Variants in SEPTIN7 observed in about 807,000 individuals in gnomAD.
SEPTIN7 encodes the protein septin-7.
In SEPTIN7, 10 loss-of-function variants were observed where a neutral mutation model predicts 63.3. That is an observed-to-expected ratio of 0.16 (90% CI 0.10 to 0.27). The LOEUF is 0.27. Among genes scored for constraint, SEPTIN7 ranks in the 10% least tolerant of loss-of-function variants. SEPTIN7 has a pLI of 1.00. For missense variants in SEPTIN7, 310 were observed against 521.0 expected (o/e 0.59, Z 3.94); for synonymous variants, 131 against 165.3 (o/e 0.79, Z 1.59).
chr7:35,897,165 A>C (rs1788003851), intron 11 of SEPTIN7, among the ~76,000 whole-genome samples: 1 of 152,226 alleles, frequency 6.6e-6, no homozygotes, highest in African/African-American at 2.4e-5. Flanking sequence ...AAATTAGCGT[A>C]TTACAGTAAA....
intron 6 of SEPTIN7, among the ~76,000 whole-genome samples, chr7:35,875,911 G>A (rs771150167): frequency 3.3e-5 from 5 of 152,154 alleles, no homozygotes; most frequent in Non-Finnish European, 5.9e-5. Flanking sequence ...ATTTTCTGTT[G>A]CTTAAAAACA....
At chr7:35,908,139 C>G (rs1020557644), downstream of SEPTIN7, among the ~76,000 whole-genome samples, 4 of 152,134 alleles carry the variant, frequency 2.6e-5, no homozygotes, top group Admixed American at 2.0e-4. Context: ...ATAAAATACA[C>G]CATTCTTTGT....
At chr7:35,807,613 T>C (rs978528692) in intron 1 of SEPTIN7, among the ~76,000 whole-genome samples, 1 of 152,058 alleles carries the variant, frequency 6.6e-6, no homozygotes, top group African/African-American at 2.4e-5. Flanking sequence ...TCCGCCCGTC[T>C]TGGCCTCCCA....
At chr7:35,869,477 C>T (rs758456029) in intron 4 of SEPTIN7, among the ~76,000 whole-genome samples, 6 of 152,146 alleles carry the variant, frequency 3.9e-5, no homozygotes, top group Non-Finnish European at 8.8e-5. Flanking sequence ...AGAGTTTTGG[C>T]TGTAATGCTA....
chr7:35,907,235 T>A (rs1246449084), downstream of SEPTIN7: 3 of 152,184 alleles, frequency 2.0e-5, no homozygotes, highest in Non-Finnish European at 2.9e-5. Context: ...TCCTACTTGA[T>A]CTGAAAGGAA....
chr7:35,802,040 G>A (rs1788027203), intron 1 of SEPTIN7, among the ~76,000 whole-genome samples: 1 of 152,116 alleles, frequency 6.6e-6, no homozygotes, highest in African/African-American at 2.4e-5. Context: ...GAACGCCTGG[G>A]AAGGGCGCCC....
At chr7:35,836,793 A>G (rs1481071086) in intron 3 of SEPTIN7, among the ~76,000 whole-genome samples, 1 of 152,154 alleles carries the variant, frequency 6.6e-6, no homozygotes. Context: ...GAAAGATAAT[A>G]TTGGCTCAAA....
chr7:35,808,294 T>C (rs1410882441), intron 1 of SEPTIN7, among the ~76,000 whole-genome samples: 1 of 152,208 alleles, frequency 6.6e-6, no homozygotes, highest in East Asian at 1.9e-4. Flanking sequence ...CCAAAGGTGT[T>C]TTTTGCATAT....
chr7:35,833,663 T>C (rs1355741006), intron 3 of SEPTIN7, among the ~76,000 whole-genome samples: 1 of 152,028 alleles, frequency 6.6e-6, no homozygotes, highest in Non-Finnish European at 1.5e-5. Flanking sequence ...TGTAACTTTG[T>C]TGTATTTCTG....
chr7:35,879,453 A>G (rs1786696526), intron 6 of SEPTIN7: 1 of 160,924 alleles, frequency 6.2e-6, no homozygotes, highest in East Asian at 1.7e-4. Flanking sequence ...CACTCCACCC[A>G]GGGCAACAGA....
chr7:35,855,628 A>G (rs1785166687), intron 3 of SEPTIN7, among the ~76,000 whole-genome samples: 1 of 152,200 alleles, frequency 6.6e-6, no homozygotes, highest in African/African-American at 2.4e-5. Context: ...ATTTTCACAT[A>G]GGAAGAGTTA....
downstream of SEPTIN7, among the ~76,000 whole-genome samples, chr7:35,907,703 C>T (rs953923975): frequency 6.6e-6 from 1 of 152,188 alleles, no homozygotes; most frequent in African/African-American, 2.4e-5. Flanking sequence ...TAGCACAGAG[C>T]AGATGCTCCC....
At chr7:35,842,571 T>C (rs1406576861) in intron 3 of SEPTIN7, among the ~76,000 whole-genome samples, 1 of 152,178 alleles carries the variant, frequency 6.6e-6, no homozygotes, top group East Asian at 1.9e-4. Flanking sequence ...TATCATGTCT[T>C]TATATTCTGG....
At chr7:35,898,125 TA>T (rs1788065156) in intron 11 of SEPTIN7, 122 bp from the exon 12 acceptor site, 8 of 631,074 alleles carry the variant, frequency 1.3e-5, no homozygotes, top group Non-Finnish European at 1.9e-5. Flanking sequence ...AAAGAAGTTC[TA>T]GGTTATAAAT....
rs1056449346 is a variant in SEPTIN7, at chr7:35,905,294, ATGT to A, written c.*1005_*1007del. 4 of 152,602 alleles carry A rather than the reference ATGT, an allele frequency of 2.6e-5. No homozygotes were observed. The highest frequency in any genetic ancestry group is 9.7e-5 in the African/African-American group (4 of 41,436). The allele number at this position is 152,602 out of a possible 1,614,324, so 9.5% of individuals were successfully genotyped here. On this transcript the variant is annotated 3_prime_UTR_variant, in exon 14 of 14. Transcript: ENST00000350320. Reference sequence around the variant, plus strand: ...TTGTAAAAAATTCACATAATAAACGATGTTGTGATGTAATATTGTGTGAGGTCT... The same window carrying A: ...TTGTAAAAAATTCACATAATAAACGATGTGATGTAATATTGTGTGAGGTCT...
At chr7:35,829,550 G>A (rs558447582) in intron 1 of SEPTIN7, among the ~76,000 whole-genome samples, 2 of 152,224 alleles carry the variant, frequency 1.3e-5, no homozygotes, top group African/African-American at 4.8e-5. Flanking sequence ...AAGAGACAAG[G>A]GCAGACCCTG....
At chr7:35,832,602 A>G (rs1448609779) in intron 2 of SEPTIN7, 196 bp from the exon 3 acceptor site, 1 of 482,824 alleles carries the variant, frequency 2.1e-6, no homozygotes, top group East Asian at 4.0e-5. Context: ...TAACCATTAT[A>G]TTGTCAGTCA....
intron 7 of SEPTIN7, among the ~76,000 whole-genome samples, chr7:35,880,223 C>CTTTTTTTTTTTTTTTTTTTT: frequency 6.9e-3 from 502 of 72,796 alleles, no homozygotes; most frequent in Non-Finnish European, 8.6e-3. Flanking sequence ...TTTTTCTTTT[C>CTTTTTTTTTTTTTTTTTTTT]TTTTTTTTTT....
intron 10 of SEPTIN7, among the ~76,000 whole-genome samples, chr7:35,889,893 G>A (rs1787531486): frequency 6.6e-6 from 1 of 152,260 alleles, no homozygotes; most frequent in Non-Finnish European, 1.5e-5. Context: ...TAGTAAAGTG[G>A]TGAAGATGAA....
Sources: allele counts gnomAD v4.1 joint callset (sites outside exome capture counted in the v4.1 genomes callset), GRCh38; gene constraint gnomAD v4.1.1; transcripts MANE v1.5; gene names NCBI Gene and HGNC (gene_info 2026-07-23, HGNC 2026-07-21).